The following GBE1 variants were observed in gnomAD, a reference collection of about 807,000 sequenced individuals.
The protein encoded by GBE1 is 1,4-alpha-glucan-branching enzyme.
GBE1 carries 70 observed loss-of-function variants against 88.8 expected under a neutral mutation model. The ratio of observed to expected loss-of-function variants is 0.79; its 90% CI spans 0.65 to 0.96. The LOEUF (loss-of-function observed/expected upper bound fraction) is 0.96, where lower values mean the gene tolerates loss of function less well. GBE1 is among the 40% of genes least tolerant of loss of function. The probability of loss-of-function intolerance (pLI) is 0.00; values close to 1 mark genes in which losing one functional copy is unlikely to be tolerated. For synonymous variants in GBE1, 284 were observed against 300.1 expected (o/e 0.95, Z 0.56); for missense variants, 872 against 871.0 (o/e 1.00, Z -0.01).
At position 81,627,301 on chromosome 3, in the gene GBE1, A is replaced by G. The variant is rs115353271; in HGVS notation, c.992+15480T>C. Among the ~76,000 whole-genome samples, 855 of 152,284 alleles carry G rather than the reference A, an allele frequency of 5.6e-3. 12 individuals are homozygous for G. Among genetic ancestry groups the G allele is most frequent in the African/African-American group, 0.019 (783 of 41,566 alleles). On this transcript the variant is annotated intron_variant, in intron 7 of 15. Transcript: ENST00000429644. ...ATTCATTTATTTATTCATTCAACAA[A>G]TCTGTGTTTAAATGTGTCAAGCACC...
chr3:81,662,674 A>G (rs75813396), intron 3 of GBE1, among the ~76,000 whole-genome samples: 1 of 151,810 alleles, frequency 6.6e-6, no homozygotes, highest in African/African-American at 2.4e-5. Context: ...AAAAAAAAAA[A>G]AAAGAAAAAA....
Position 81,649,010 on chromosome 3 carries a change from T to A in GBE1, c.556-19A>T, listed in dbSNP as rs1312731527. The A allele has an allele frequency of 4.6e-6, 7 of 1,525,424 alleles. No individual in the cohort carries two copies. The highest frequency in any genetic ancestry group is 6.2e-6 in the Non-Finnish European group (7 of 1,126,930). The allele number at this position is 1,525,424 out of a possible 1,614,324, so 94.5% of individuals were successfully genotyped here. ...GCTTAAACTACAGAATATAAAATTA[T>A]GTATAGAGTTAAGCCAGGAATTCTG... is the stretch of plus-strand genomic sequence containing the variant. On this transcript the variant is annotated intron_variant, in intron 4 of 15. Transcript: ENST00000429644.
intron 2 of GBE1, among the ~76,000 whole-genome samples, chr3:81,689,152 GT>G (rs1472692401): frequency 6.6e-6 from 1 of 152,128 alleles, no homozygotes; most frequent in East Asian, 1.9e-4. Flanking sequence ...ATGAACCAAT[GT>G]GTTTATTAGA....
rs751331135 is a variant in GBE1, at chr3:81,577,952, C to T, written c.1591G>A (p.Gly531Ser). 1 of 1,601,882 alleles carries T rather than the reference C, an allele frequency of 6.2e-7. No homozygotes were observed. The highest frequency in any genetic ancestry group is 8.5e-7 in the Non-Finnish European group (1 of 1,175,590). Residue 531 changes from glycine (G) to serine (S), a missense_variant, in exon 12 of 16, where the codon GGT (glycine) becomes AGT (serine). Transcript: ENST00000429644. ...ATGAAATTGAGATAGCCTTCTCCAC[C>T]AAGCCCATGCGTAATGAGTCGAATC... Reference protein sequence around the residue: ...KMIRLITHGLGGEGYLNFMGN... With the variant: ...KMIRLITHGLSGEGYLNFMGN...
intron 8 of GBE1, among the ~76,000 whole-genome samples, chr3:81,593,367 G>GAATAATAATAAT (rs1391486224): frequency 1.4e-5 from 1 of 73,000 alleles, no homozygotes; most frequent in African/African-American, 5.8e-5. Flanking sequence ...TCTGTCTCAA[G>GAATAATAATAAT]AACAATAATA....
chr3:81,639,245 T>C (rs1704634896), intron 7 of GBE1, among the ~76,000 whole-genome samples: 1 of 152,186 alleles, frequency 6.6e-6, no homozygotes, highest in Admixed American at 6.5e-5. Flanking sequence ...ACAAGTATGT[T>C]GTTCACATTT....
chr3:81,505,700 T>C (rs891281824), intron 14 of GBE1, among the ~76,000 whole-genome samples: 2 of 152,232 alleles, frequency 1.3e-5, no homozygotes, highest in East Asian at 3.9e-4. Context: ...ACATAGATAA[T>C]GTGCAGGTCT....
intron 12 of GBE1, among the ~76,000 whole-genome samples, chr3:81,551,620 C>T (rs1416178995): frequency 1.3e-5 from 2 of 152,138 alleles, no homozygotes; most frequent in African/African-American, 2.4e-5. Flanking sequence ...CCCACCTGTC[C>T]TTCAAGTTGT....
chr3:81,578,521 A>G (rs1267349302), intron 11 of GBE1, among the ~76,000 whole-genome samples: 1 of 150,934 alleles, frequency 6.6e-6, no homozygotes, highest in African/African-American at 2.4e-5. Flanking sequence ...ATATATATAT[A>G]TTATTTTGCT....
intron 7 of GBE1, among the ~76,000 whole-genome samples, chr3:81,602,244 G>T (rs1345725479): frequency 6.6e-6 from 1 of 152,026 alleles, no homozygotes; most frequent in Non-Finnish European, 1.5e-5. Flanking sequence ...AGGCACAGCA[G>T]GAATATATTT....
chr3:81,533,578 T>C (rs182177662), intron 14 of GBE1, among the ~76,000 whole-genome samples: 87 of 152,180 alleles, frequency 5.7e-4, no homozygotes, highest in Non-Finnish European at 7.2e-4. Flanking sequence ...AAAAGCACTG[T>C]CTGTTTTCTT....
intron 14 of GBE1, among the ~76,000 whole-genome samples, chr3:81,509,311 T>A (rs7621041): frequency 0.06 from 8,710 of 144,680 alleles, 415 homozygotes; most frequent in African/African-American, 0.12. Flanking sequence ...TTTTTTTTTT[T>A]ATAAAAAAGA....
intron 14 of GBE1, among the ~76,000 whole-genome samples, chr3:81,514,648 T>C (rs1411536672): frequency 6.6e-6 from 1 of 151,576 alleles, no homozygotes; most frequent in Non-Finnish European, 1.5e-5. Context: ...GTTGCAGCTT[T>C]CAAAAATGCT....
chr3:81,602,291 A>G (rs77694911), intron 7 of GBE1, among the ~76,000 whole-genome samples: 7 of 152,198 alleles, frequency 4.6e-5, no homozygotes, highest in Admixed American at 3.3e-4. Flanking sequence ...GTAGTCGTTA[A>G]CATAGGACTT....
Position 81,581,258 on chromosome 3 carries a change from T to C in GBE1, c.1353A>G (p.Lys451=). The part of the protein sequence containing the change: ...DKWIQLLKEF[K]DEDWNMGDIV... ...TATCGCCCATGTTCCAGTCTTCATCTTTAAACTCTTTAAGTAGCTAGACAC... is the reference window on the plus strand; with the variant it reads ...TATCGCCCATGTTCCAGTCTTCATCCTTAAACTCTTTAAGTAGCTAGACAC... The change falls in exon 11 of 16, where the codon AAA becomes AAG. Residue 451 remains lysine, a synonymous_variant. Coordinates refer to ENST00000429644, the MANE Select transcript of GBE1 (RefSeq NM_000158.4). 6.3e-7 allele frequency: 1 copy of C among 1,581,624 alleles called. No individual in the cohort carries two copies. The highest frequency in any genetic ancestry group is 8.6e-7 in the Non-Finnish European group (1 of 1,162,806).
At chr3:81,760,914 A>C (rs1278300138) in intron 1 of GBE1, among the ~76,000 whole-genome samples, 1 of 152,288 alleles carries the variant, frequency 6.6e-6, no homozygotes, top group Non-Finnish European at 1.5e-5. Flanking sequence ...TCTTAGATAT[A>C]AAATCACAAC....
At chr3:81,722,077 A>T (rs1026564793) in intron 1 of GBE1, among the ~76,000 whole-genome samples, 1 of 152,218 alleles carries the variant, frequency 6.6e-6, no homozygotes, top group African/African-American at 2.4e-5. Context: ...AACAGTGGCT[A>T]ATTCAACACA....
chr3:81,612,754 GAGC>G (rs1704199496), intron 7 of GBE1: 1 of 448,674 alleles, frequency 2.2e-6, no homozygotes, highest in Non-Finnish European at 4.3e-6. Context: ...AAGCCTGCAG[GAGC>G]AGATGTCTCC....
intron 12 of GBE1, among the ~76,000 whole-genome samples, chr3:81,541,724 G>C (rs1466425694): frequency 6.6e-6 from 1 of 152,016 alleles, no homozygotes; most frequent in Non-Finnish European, 1.5e-5. Flanking sequence ...CCAGCATCCA[G>C]ACTATGAGAA....
Sources: gnomAD v4.1 joint callset for allele counts (sites outside exome capture counted in the v4.1 genomes callset) on GRCh38, gnomAD v4.1.1 for gene constraint, MANE v1.5 for transcripts, NCBI Gene and HGNC (gene_info 2026-07-23, HGNC 2026-07-21) for gene names.